The following ZNF385B variants were observed in gnomAD, a reference collection of about 807,000 sequenced individuals.
The protein encoded by ZNF385B is zinc finger protein 533.
Under a neutral mutation model 39.2 loss-of-function variants are expected in ZNF385B, and 23 were observed. The ratio of observed to expected loss-of-function variants is 0.59; its 90% CI spans 0.42 to 0.83. The LOEUF (loss-of-function observed/expected upper bound fraction) is 0.83. ZNF385B is among the 40% of genes least tolerant of loss of function. ZNF385B has a pLI of 0.00. For synonymous variants in ZNF385B, 205 were observed against 222.6 expected (o/e 0.92, Z 0.70); for missense variants, 552 against 598.9 (o/e 0.92, Z 0.82).
intron 1 of ZNF385B, among the ~76,000 whole-genome samples, chr2:179,779,087 C>T (rs1373892076): frequency 6.6e-6 from 1 of 152,146 alleles, no homozygotes; most frequent in Non-Finnish European, 1.5e-5. Context: ...ATTTCATTAA[C>T]AAGAAGTTGA....
chr2:179,709,634 A>C (rs1215591555), intron 3 of ZNF385B, among the ~76,000 whole-genome samples: 17 of 152,194 alleles, frequency 1.1e-4, no homozygotes, highest in Admixed American at 1.1e-3. Flanking sequence ...GGGACAATGT[A>C]CCCTTTGAGC....
chr2:179,832,240 G>A (rs1429649678), intron 1 of ZNF385B, among the ~76,000 whole-genome samples: 1 of 152,122 alleles, frequency 6.6e-6, no homozygotes, highest in African/African-American at 2.4e-5. Flanking sequence ...CAGGACACTA[G>A]GCATCCATTC....
At chr2:179,474,028 G>T (rs1197737524) in intron 6 of ZNF385B, among the ~76,000 whole-genome samples, 1 of 151,954 alleles carries the variant, frequency 6.6e-6, no homozygotes, top group Non-Finnish European at 1.5e-5. Flanking sequence ...ACTATGCTAT[G>T]GATGTAAAGT....
At chr2:179,780,007 G>T (rs1037995642) in intron 1 of ZNF385B, among the ~76,000 whole-genome samples, 1 of 151,890 alleles carries the variant, frequency 6.6e-6, no homozygotes, top group African/African-American at 2.4e-5. Flanking sequence ...CTGCTGCTGG[G>T]GTTGGAGGAG....
At chr2:179,531,837 G>A (rs577228974) in intron 4 of ZNF385B, among the ~76,000 whole-genome samples, 1 of 152,088 alleles carries the variant, frequency 6.6e-6, no homozygotes, top group African/African-American at 2.4e-5. Flanking sequence ...TGGTCCTTGA[G>A]TGGTTCTGTG....
intron 3 of ZNF385B, among the ~76,000 whole-genome samples, chr2:179,572,192 C>T (rs2106000208): frequency 6.6e-6 from 1 of 152,120 alleles, no homozygotes; most frequent in Admixed American, 6.5e-5. Flanking sequence ...TAAAATAATA[C>T]CTGGCCTTCT....
intron 1 of ZNF385B, among the ~76,000 whole-genome samples, chr2:179,816,867 C>T (rs1190419944): frequency 1.3e-5 from 2 of 152,166 alleles, no homozygotes; most frequent in East Asian, 1.9e-4. Context: ...TATGCACCAA[C>T]GGACCAGTGT....
At chr2:179,817,398 T>C (rs542574145) in intron 1 of ZNF385B, among the ~76,000 whole-genome samples, 2 of 152,338 alleles carry the variant, frequency 1.3e-5, no homozygotes, top group Admixed American at 1.3e-4. Context: ...CTCTCAACTT[T>C]CACTTTCACA....
In ZNF385B at chr2:179,491,224, T is replaced by C. The variant is rs1445022214; in HGVS notation, c.553-7790A>G. Among the ~76,000 whole-genome samples the C allele has an allele frequency of 2.0e-5, 3 of 152,216 alleles. No individual in the cohort carries two copies. The East Asian group carries it at 5.8e-4, about 29-fold the overall frequency. On this transcript the variant is annotated intron_variant, in intron 5 of 9. Transcript: ENST00000410066. ...ATTTAAGAATTCATCAAGAAGTATC[T>C]TGCTTAAGAAAGCAAGACTGCTTAA... is the stretch of plus-strand genomic sequence containing the variant.
At position 179,548,316 on chromosome 2, in the gene ZNF385B, A is replaced by T. The variant is rs905237600; in HGVS notation, c.299-3347T>A. Among the ~76,000 whole-genome samples, 6 of 149,662 alleles carry T rather than the reference A, an allele frequency of 4.0e-5. 1 individual carries two copies. Among genetic ancestry groups the T allele is most frequent in the African/African-American group, 1.0e-4 (4 of 39,750 alleles). On this transcript the variant is annotated intron_variant, in intron 3 of 9. Transcript: ENST00000410066. ...ATTTATAATGCTCCTCTCCAGTAAC[A>T]AGCATCCTTCTTTAGTGTATAACTT...
chr2:179,652,558 A>G (rs1693290694), intron 3 of ZNF385B, among the ~76,000 whole-genome samples: 1 of 152,160 alleles, frequency 6.6e-6, no homozygotes, highest in Non-Finnish European at 1.5e-5. Flanking sequence ...GGTTATTACC[A>G]TAACTCTCAG....
At chr2:179,812,511 G>A (rs1379009014) in intron 1 of ZNF385B, among the ~76,000 whole-genome samples, 4 of 152,142 alleles carry the variant, frequency 2.6e-5, no homozygotes, top group African/African-American at 9.7e-5. Flanking sequence ...TGCAGCTGGA[G>A]GCCATTAATC....
chr2:179,622,071 A>AC (rs1190257984), intron 3 of ZNF385B, among the ~76,000 whole-genome samples: 3 of 152,134 alleles, frequency 2.0e-5, no homozygotes, highest in Non-Finnish European at 4.4e-5. Context: ...CAGCCTGGCC[A>AC]CCATTTGCTT....
At chr2:179,847,139 G>C (rs1708837704) in intron 1 of ZNF385B, among the ~76,000 whole-genome samples, 1 of 152,182 alleles carries the variant, frequency 6.6e-6, no homozygotes, top group East Asian at 1.9e-4. Context: ...CTTCTTGTCT[G>C]CTACACATTC....
rs915858882 is a variant in ZNF385B at position 179,468,471 on chromosome 2, G to A, written c.715+14801C>T. 3.3e-5 allele frequency among the ~76,000 whole-genome samples: 5 copies of A among 152,138 alleles called. No individual in the cohort carries two copies. In the South Asian group the frequency reaches 6.2e-4, roughly 19 times the overall value. ...GAAAATAGAATGAGTAACTCATGTC[G>A]CTCAAATCAAATTCCTCAGGGAGTA... On this transcript the variant is annotated intron_variant, in intron 6 of 9. Transcript: ENST00000410066.
intron 8 of ZNF385B, 86 bp downstream of exon 8, chr2:179,445,464 A>G (rs2049377382): frequency 1.5e-6 from 2 of 1,346,846 alleles, no homozygotes; most frequent in African/African-American, 2.9e-5. Context: ...AACTGTGAGC[A>G]CAGTAAAAAC....
chr2:179,461,464 C>A (rs1332882807), intron 6 of ZNF385B, among the ~76,000 whole-genome samples: 1 of 152,058 alleles, frequency 6.6e-6, no homozygotes, highest in Admixed American at 6.5e-5. Flanking sequence ...AGGTGTGGGA[C>A]ATTAAAGAAA....
chr2:179,735,591 A>C (rs1046718199), intron 3 of ZNF385B, among the ~76,000 whole-genome samples: 1 of 144,754 alleles, frequency 6.9e-6, no homozygotes, highest in African/African-American at 2.5e-5. Flanking sequence ...ACGTATGTTT[A>C]TTGCAGCATT....
rs561469999 is a variant in ZNF385B, at chr2:179,702,800, C to T, written c.298+66703G>A. Among the ~76,000 whole-genome samples, 15 of 152,178 alleles carry T rather than the reference C, an allele frequency of 9.9e-5. No individual in the cohort carries two copies. In the South Asian group the frequency reaches 2.1e-3, roughly 21 times the overall value. ...CCAATGGAGCAAAAATAAGTAATTGCTCGGTAAATAGAATTTTTATTGTTT... is the reference window on the plus strand; with the variant it reads ...CCAATGGAGCAAAAATAAGTAATTGTTCGGTAAATAGAATTTTTATTGTTT... On this transcript the variant is annotated intron_variant, in intron 3 of 9. Coordinates refer to ENST00000410066, the MANE Select transcript of ZNF385B (RefSeq NM_152520.6).
Sources: gnomAD v4.1 joint callset for allele counts (sites outside exome capture counted in the v4.1 genomes callset) on GRCh38, gnomAD v4.1.1 for gene constraint, MANE v1.5 for transcripts, NCBI Gene and HGNC (gene_info 2026-07-23, HGNC 2026-07-21) for gene names.